Variants in HERC1 observed in about 807,000 individuals in gnomAD.
HERC1 encodes the protein probable E3 ubiquitin-protein ligase HERC1.
HERC1 carries 160 observed loss-of-function variants against 554.3 expected under a neutral mutation model. The observed-to-expected ratio is 0.29, with a 90% CI of 0.25 to 0.33. The LOEUF (loss-of-function observed/expected upper bound fraction) is 0.33, where lower values mean the gene tolerates loss of function less well. Among genes scored for constraint, HERC1 ranks in the 10% least tolerant of loss-of-function variants. The pLI is 1.00. For missense variants in HERC1, 4,919 were observed against 5,918.5 expected (o/e 0.83, Z 5.54); for synonymous variants, 2,175 against 2,131.7 (o/e 1.02, Z -0.56).
rs372304757 is a variant in HERC1 at position 63,713,614 on chromosome 15, C to T, written c.4202G>A (p.Arg1401Gln). 9.9e-6 allele frequency: 16 copies of T among 1,613,348 alleles called. No individual in the cohort carries two copies. The highest frequency in any genetic ancestry group is 2.7e-5 in the African/African-American group (2 of 75,000). ...CCCTGCCCCACTGTTCATTCTATCT[C>T]GGTCTCGGCTACGAGCTACTTCACG... ...SAREVARSRD[R>Q]DRMNSGAGSG... Residue 1401 changes from arginine (R) to glutamine (Q), a missense_variant, in exon 23 of 78, where the codon CGA becomes CAA. By Grantham distance (43) the Arg-to-Gln change is conservative. Around this residue, in one of 11 missense-constraint regions of HERC1, gnomAD observed 1,121 missense variants for 1,244.0 expected, o/e 0.90. Transcript: ENST00000443617.
chr15:63,822,173 G>C (rs1442137546), intron 1 of HERC1, among the ~76,000 whole-genome samples: 1 of 152,216 alleles, frequency 6.6e-6, no homozygotes, highest in Non-Finnish European at 1.5e-5. Flanking sequence ...AGGGAATACG[G>C]ATAGTTCAAT....
In HERC1 at chr15:63,666,192, G is replaced by T. The variant is rs368295742; in HGVS notation, c.8324-42C>A. On this transcript the variant is annotated intron_variant, in intron 41 of 77. Transcript: ENST00000443617. ...CAGTCTGATGCTGACTTTGGGCAAA[G>T]AATTAGGTCTTTATGTTATAAGAGT... 46 of 1,520,430 alleles carry T rather than the reference G, an allele frequency of 3.0e-5. No homozygotes were observed. In the African/African-American group the frequency reaches 5.1e-4, roughly 17 times the overall value. The allele number at this position is 1,520,430 out of a possible 1,614,324, so 94.2% of individuals were successfully genotyped here. A position where few individuals can be genotyped will look rare whatever the true frequency, so the allele number is the denominator to read the frequency against.
rs1439484535 is a variant in HERC1 at position 63,608,850 on chromosome 15, G to T, written c.*231C>A. The T allele has an allele frequency of 5.3e-6, 2 of 380,586 alleles. No homozygotes were observed. The highest frequency in any genetic ancestry group is 5.2e-5 in the South Asian group (1 of 19,374). The allele number at this position is 380,586 out of a possible 1,614,324, so 23.6% of individuals were successfully genotyped here. On this transcript the variant is annotated 3_prime_UTR_variant, in exon 78 of 78. Transcript: ENST00000443617. ...CTTATCAAAAGTGACCAAAAATATG[G>T]AGGGAAAAACCTGACTGAGAGCACT...
chr15:63,686,559 G>C (rs1430029721), intron 33 of HERC1, 24 bp from the exon 34 acceptor site: 1 of 1,601,050 alleles, frequency 6.2e-7, no homozygotes, highest in Non-Finnish European at 8.5e-7. Flanking sequence ...AGCTGGGTCA[G>C]CATTTTGGAA....
chr15:63,638,232 C>T (rs1484542909), intron 63 of HERC1, among the ~76,000 whole-genome samples, 179 bp downstream of exon 63: 1 of 152,148 alleles, frequency 6.6e-6, no homozygotes, highest in African/African-American at 2.4e-5. Flanking sequence ...TTGTTAACTT[C>T]TTAAGTCTGA....
At chr15:63,705,799 G>A (rs1022293623) in intron 25 of HERC1, among the ~76,000 whole-genome samples, 1 of 152,128 alleles carries the variant, frequency 6.6e-6, no homozygotes, top group Admixed American at 6.5e-5. Context: ...GGAGGCCAAG[G>A]TGGGAGGACT....
At chr15:63,667,161 G>C (rs2070685896) in intron 40 of HERC1, among the ~76,000 whole-genome samples, 1 of 152,082 alleles carries the variant, frequency 6.6e-6, no homozygotes, top group Non-Finnish European at 1.5e-5. Context: ...TATTAAATGT[G>C]GTATCTTTAA....
chr15:63,719,297 A>C (rs2073704530), intron 19 of HERC1, among the ~76,000 whole-genome samples: 1 of 152,208 alleles, frequency 6.6e-6, no homozygotes, highest in Non-Finnish European at 1.5e-5. Context: ...GATCTAAATG[A>C]AGTGGGGGAA....
rs370179945 is a variant in HERC1, at chr15:63,638,555, C to G, written c.11968-19G>C. 1.5e-5 allele frequency: 25 copies of G among 1,613,546 alleles called. No individual in the cohort carries two copies. The highest frequency in any genetic ancestry group is 2.0e-5 in the Non-Finnish European group (24 of 1,179,752). On this transcript the variant is annotated intron_variant, in intron 62 of 77. Transcript: ENST00000443617. ...GCCAGTCCTAGAAAACCACAATCAT[C>G]TCAAAATTAGAGTCATCCATTCACT...
At position 63,826,805 on chromosome 15, in the gene HERC1, AAAAAAAAAAATATATATATATAT is replaced by A. The variant is rs1256406254; in HGVS notation, c.-27+6999_-27+7021del. Among the ~76,000 whole-genome samples, 102 of 73,564 alleles carry A rather than the reference AAAAAAAAAAATATATATATATAT, an allele frequency of 1.4e-3. 2 individuals are homozygous for A. Among genetic ancestry groups the A allele is most frequent in the Admixed American group, 5.9e-3 (41 of 6,932 alleles). 48.3% of individuals were successfully genotyped at this position (73,564 alleles called of 152,430 possible). A position where few individuals can be genotyped will look rare whatever the true frequency, so the allele number is the denominator to read the frequency against. ...CTGGTAAAAAAAAAAAAAAAAAAAA[AAAAAAAAAAATATATATATATAT>A]ATATATATATATATAAAGTATGACA... On this transcript the variant is annotated intron_variant, in intron 1 of 77. Transcript: ENST00000443617.
In HERC1 at chr15:63,817,701, C is replaced by T. The variant is rs367911641; in HGVS notation, c.-27+16126G>A. Among the ~76,000 whole-genome samples, 163 of 152,148 alleles carry T rather than the reference C, an allele frequency of 1.1e-3. 1 individual carries two copies. Among genetic ancestry groups the T allele is most frequent in the African/African-American group, 3.8e-3 (158 of 41,516 alleles). ...CTACACTCCAGTGTGGGTGACACAG[C>T]GAGACTCTGTCTCAAATAATAATAA... On this transcript the variant is annotated intron_variant, in intron 1 of 77. Coordinates refer to ENST00000443617, the MANE Select transcript of HERC1 (RefSeq NM_003922.4).
chr15:63,811,809 C>CAAAAAAA (rs374847616), intron 1 of HERC1, among the ~76,000 whole-genome samples: 12 of 77,152 alleles, frequency 1.6e-4, no homozygotes, highest in African/African-American at 5.7e-4. Context: ...ACTCCGTCTC[C>CAAAAAAA]AAAAAAAAAA....
At position 63,680,891 on chromosome 15, in the gene HERC1, C is replaced by T. The variant is rs2071440486; in HGVS notation, c.6226-115G>A. 1.5e-6 allele frequency: 1 copy of T among 658,144 alleles called. No homozygotes were observed. Among genetic ancestry groups the T allele is most frequent in the Non-Finnish European group, 2.6e-6 (1 of 390,222 alleles). 40.8% of individuals were successfully genotyped at this position (658,144 alleles called of 1,614,324 possible). A position where few individuals can be genotyped will look rare whatever the true frequency, so the allele number is the denominator to read the frequency against. ...AATAATACTAATGCATTTATGGAAA[C>T]ATGTTATTTTCAGCATAAATAAAAA... On this transcript the variant is annotated intron_variant, in intron 34 of 77. Transcript: ENST00000443617. The surrounding 1 kb of genome is among the most constrained non-coding windows in gnomAD (Gnocchi z 5.8).
At chr15:63,675,278 T>A in intron 37 of HERC1, 161 bp from the exon 38 acceptor site, 1 of 551,970 alleles carries the variant, frequency 1.8e-6, no homozygotes, top group Non-Finnish European at 3.0e-6. Context: ...GAAAAACGAG[T>A]CTATTATGAG....
Position 63,734,942 on chromosome 15 carries a change from T to C in HERC1, c.2521-93A>G, listed in dbSNP as rs2074436019. On this transcript the variant is annotated intron_variant, in intron 12 of 77. Transcript: ENST00000443617. This position sits in a 1 kb window ranked among gnomAD's most constrained non-coding sequence, Gnocchi z 4.6. Reference sequence around the variant, plus strand: ...GCGAACTCACTGACTACTAGGATCATGTAAGTCTAAAAAAGATGGCATGAT... The same window carrying C: ...GCGAACTCACTGACTACTAGGATCACGTAAGTCTAAAAAAGATGGCATGAT... 1 of 1,063,844 alleles carries C rather than the reference T, an allele frequency of 9.4e-7. No homozygotes were observed. Among genetic ancestry groups the C allele is most frequent in the Non-Finnish European group, 1.3e-6 (1 of 744,358 alleles). The allele number at this position is 1,063,844 out of a possible 1,614,324, so 65.9% of individuals were successfully genotyped here.
intron 14 of HERC1, among the ~76,000 whole-genome samples, chr15:63,732,714 G>C (rs1033321562): frequency 4.6e-5 from 7 of 152,026 alleles, no homozygotes; most frequent in African/African-American, 1.4e-4. Flanking sequence ...AGAAAAATCT[G>C]GTAAAATTCT....
At position 63,725,427 on chromosome 15, in the gene HERC1, T is replaced by C. The variant is rs757125002; in HGVS notation, c.3433A>G (p.Ile1145Val). Residue 1145 changes from isoleucine (I) to valine (V), a missense_variant, in exon 18 of 78, where the codon ATT (isoleucine) becomes GTT (valine). Physicochemically the swap from Ile to Val is conservative, Grantham distance 29. Transcript: ENST00000443617. ...WVWLVDLERT[I>V]ALLIGRCLGG... Reference sequence around the variant, plus strand: ...AGACACCGCCCAATAAGGAGAGCAATTGTTCTTTCTAGATCCACAAGCCAT... The same window carrying C: ...AGACACCGCCCAATAAGGAGAGCAACTGTTCTTTCTAGATCCACAAGCCAT... 2.1e-5 allele frequency: 34 copies of C among 1,613,442 alleles called. No individual in the cohort carries two copies. The highest frequency in any genetic ancestry group is 2.8e-5 in the Non-Finnish European group (33 of 1,179,756).
chr15:63,825,790 G>A lies in HERC1; in HGVS notation c.-27+8037C>T, dbSNP rs10152687. On this transcript the variant is annotated intron_variant, in intron 1 of 77. Coordinates refer to ENST00000443617, the MANE Select transcript of HERC1 (RefSeq NM_003922.4). ...ATAATTTTTTTTTTTTTGAGATGGA[G>A]TCTCGTTCTTGTCCCCCAGGCTGAG... Among the ~76,000 whole-genome samples the A allele has an allele frequency of 1.5e-3, 232 of 151,224 alleles. 1 individual carries two copies. Among genetic ancestry groups the A allele is most frequent in the African/African-American group, 5.5e-3 (226 of 41,200 alleles).
At position 63,746,803 on chromosome 15, in the gene HERC1, A is replaced by T. The variant is rs1596140150; in HGVS notation, c.2520+115T>A. Reference sequence around the variant, plus strand: ...ATACTCTCACCAAGAAAACAGGAGTAAGGGAAACAACATCCAATTGAAATT... The same window carrying T: ...ATACTCTCACCAAGAAAACAGGAGTTAGGGAAACAACATCCAATTGAAATT... On this transcript the variant is annotated intron_variant, in intron 12 of 77. Transcript: ENST00000443617. 9.7e-5 allele frequency: 89 copies of T among 921,622 alleles called. No individual in the cohort carries two copies. In the East Asian group the frequency reaches 2.3e-3, roughly 24 times the overall value. 57.1% of individuals were successfully genotyped at this position (921,622 alleles called of 1,614,324 possible).
Sources: allele counts gnomAD v4.1 joint callset (sites outside exome capture counted in the v4.1 genomes callset), GRCh38; gene constraint gnomAD v4.1.1; regional missense constraint gnomAD v4.1.1; non-coding constraint Gnocchi (gnomAD v3.1); transcripts MANE v1.5; gene names NCBI Gene and HGNC (gene_info 2026-07-23, HGNC 2026-07-21).